PLEKHA5: variants seen among roughly 807,000 people sequenced by gnomAD.
The protein encoded by PLEKHA5 is pleckstrin homology domain-containing family A member 5.
A neutral mutation model predicts 181.9 loss-of-function variants in PLEKHA5; 55 were observed. The ratio of observed to expected loss-of-function variants is 0.30; its 90% CI spans 0.24 to 0.38. PLEKHA5 has a LOEUF of 0.38. Ranked by LOEUF, PLEKHA5 falls within the 10% of genes least tolerant of loss-of-function variation. The pLI, the probability that PLEKHA5 is intolerant of heterozygous loss-of-function variation, is 1.00. For synonymous variants in PLEKHA5, 535 were observed against 529.4 expected, an observed-to-expected ratio of 1.01 and a Z score of -0.15; for missense variants, 1,432 against 1,549.5, an observed-to-expected ratio of 0.92 and a Z score of 1.27.
At chr12:19,168,883 G>A (rs1034327572) in intron 3 of PLEKHA5, among the ~76,000 whole-genome samples, 3 of 152,156 alleles carry the variant, frequency 2.0e-5, no homozygotes, top group Non-Finnish European at 4.4e-5. Context: ...GAATCAGCCA[G>A]GCTTAGCTTT....
chr12:19,316,478 G>A (rs2088802384), intron 16 of PLEKHA5, among the ~76,000 whole-genome samples: 1 of 152,060 alleles, frequency 6.6e-6, no homozygotes, highest in Admixed American at 6.6e-5. Context: ...TAGCATCACT[G>A]ACCTTGAATA....
At chr12:19,238,867 T>G (rs1359121676) in intron 3 of PLEKHA5, among the ~76,000 whole-genome samples, 2 of 138,742 alleles carry the variant, frequency 1.4e-5, no homozygotes, top group Non-Finnish European at 3.1e-5. Flanking sequence ...GAAATTAACA[T>G]AAAAGTTTTA....
intron 29 of PLEKHA5, 136 bp from the exon 30 acceptor site, chr12:19,365,828 C>G (rs1002552863): frequency 1.7e-6 from 1 of 600,704 alleles, no homozygotes; most frequent in Non-Finnish European, 2.8e-6. Context: ...TTGAAACTTT[C>G]AAAAGAAAGA....
At chr12:19,328,598 TA>T (rs1454897354) in intron 20 of PLEKHA5, among the ~76,000 whole-genome samples, 14 of 130,796 alleles carry the variant, frequency 1.1e-4, no homozygotes, top group African/African-American at 2.9e-4. Context: ...TGTGTGTGTG[TA>T]TTGTAAATGG....
intron 29 of PLEKHA5, among the ~76,000 whole-genome samples, chr12:19,363,564 A>T (rs1009842495): frequency 1.8e-4 from 27 of 150,444 alleles, no homozygotes; most frequent in African/African-American, 1.7e-4. Flanking sequence ...CAATCTAGGC[A>T]CACTGCAACC....
intron 11 of PLEKHA5, 44 bp from the exon 12 acceptor site, chr12:19,283,236 T>C: frequency 1.7e-6 from 2 of 1,193,170 alleles, no homozygotes; most frequent in Non-Finnish European, 2.3e-6. Flanking sequence ...ATTTGGAAAA[T>C]AACCCTCCTT....
intron 28 of PLEKHA5, among the ~76,000 whole-genome samples, chr12:19,360,013 A>G (rs2095147224): frequency 6.6e-6 from 1 of 151,724 alleles, no homozygotes; most frequent in African/African-American, 2.4e-5. Context: ...CTTTAGTTTG[A>G]TTGATGTATT....
intron 14 of PLEKHA5, among the ~76,000 whole-genome samples, chr12:19,291,076 A>T (rs2078317361): frequency 6.6e-6 from 1 of 152,196 alleles, no homozygotes; most frequent in Admixed American, 6.5e-5. Flanking sequence ...TACTTCATGT[A>T]CGCATTAACT....
At chr12:19,251,434 A>G (rs1364362945) in intron 3 of PLEKHA5, among the ~76,000 whole-genome samples, 8 of 151,820 alleles carry the variant, frequency 5.3e-5, no homozygotes, top group African/African-American at 1.9e-4. Flanking sequence ...AAAGAAAAGA[A>G]AAAAAAGTTG....
chr12:19,263,844 A>G (rs1375754053), intron 7 of PLEKHA5, among the ~76,000 whole-genome samples: 1 of 152,214 alleles, frequency 6.6e-6, no homozygotes, highest in Non-Finnish European at 1.5e-5. Flanking sequence ...ATGGGATGCC[A>G]TGCAGTCTCA....
At chr12:19,222,291 T>G (rs1018870975) in intron 3 of PLEKHA5, among the ~76,000 whole-genome samples, 1 of 152,138 alleles carries the variant, frequency 6.6e-6, no homozygotes, top group Non-Finnish European at 1.5e-5. Flanking sequence ...TTTAGGAATA[T>G]TTATGTTCAT....
chr12:19,219,065 G>A (rs2058518527), intron 3 of PLEKHA5, among the ~76,000 whole-genome samples: 1 of 151,652 alleles, frequency 6.6e-6, no homozygotes, highest in South Asian at 2.1e-4. Flanking sequence ...GATTTGAACT[G>A]CGCTGGTCCA....
chr12:19,361,246 G>A (rs1005441972), intron 28 of PLEKHA5, among the ~76,000 whole-genome samples: 32 of 152,146 alleles, frequency 2.1e-4, no homozygotes, highest in Admixed American at 1.0e-3. Flanking sequence ...TGCAGTCCGC[G>A]ATCTCCGCTC....
At chr12:19,193,870 A>T (rs1425544435) in intron 3 of PLEKHA5, among the ~76,000 whole-genome samples, 2 of 152,130 alleles carry the variant, frequency 1.3e-5, no homozygotes, top group African/African-American at 4.8e-5. Context: ...GGCAGAAGGG[A>T]AAGTGGGAGC....
chr12:19,229,502 T>A (rs745522530), intron 3 of PLEKHA5, among the ~76,000 whole-genome samples: 3 of 152,092 alleles, frequency 2.0e-5, no homozygotes, highest in Non-Finnish European at 4.4e-5. Flanking sequence ...TCTGGAGTTG[T>A]TTGTTCCTCC....
intron 3 of PLEKHA5, among the ~76,000 whole-genome samples, chr12:19,197,788 A>ACTTCCAAGGCTCTTTTTACACCG (rs2053282806): frequency 7.6e-6 from 1 of 131,992 alleles, no homozygotes; most frequent in Non-Finnish European, 1.7e-5. Context: ...CCAGTCAGCC[A>ACTTCCAAGGCTCTTTTTACACCG]TAAATCTTCA....
At chr12:19,297,181 T>C (rs1490606035) in intron 15 of PLEKHA5, among the ~76,000 whole-genome samples, 2 of 152,086 alleles carry the variant, frequency 1.3e-5, no homozygotes, top group East Asian at 3.9e-4. Flanking sequence ...AAACCAAACA[T>C]GTACCAACCC....
intron 18 of PLEKHA5, among the ~76,000 whole-genome samples, chr12:19,321,335 CT>C (rs2090684752): frequency 1.2e-5 from 1 of 82,602 alleles, no homozygotes; most frequent in Non-Finnish European, 2.2e-5. Context: ...ATTATACCCC[CT>C]TTTCTTTTCT....
intron 15 of PLEKHA5, among the ~76,000 whole-genome samples, chr12:19,300,303 T>G (rs2081115124): frequency 6.6e-6 from 1 of 152,230 alleles, no homozygotes; most frequent in Admixed American, 6.5e-5. Flanking sequence ...GCAGTCTTTG[T>G]TACCTGAGGA....
Sources: gnomAD v4.1 joint callset for allele counts (sites outside exome capture counted in the v4.1 genomes callset) on GRCh38, gnomAD v4.1.1 for gene constraint, MANE v1.5 for transcripts, NCBI Gene and HGNC (gene_info 2026-07-23, HGNC 2026-07-21) for gene names.